THEMIS: variants seen among roughly 807,000 people sequenced by gnomAD.
THEMIS encodes the protein protein THEMIS.
In THEMIS, 37 loss-of-function variants were observed where a neutral mutation model predicts 52.6. The observed-to-expected ratio is 0.70, with a 90% CI of 0.54 to 0.93. The LOEUF (loss-of-function observed/expected upper bound fraction) is 0.93. THEMIS is among the 40% of genes least tolerant of loss of function. The pLI is 0.00. For synonymous variants in THEMIS, 292 were observed against 272.7 expected (o/e 1.07, Z -0.70); for missense variants, 808 against 763.1 (o/e 1.06, Z -0.69).
At chr6:127,846,079 G>A (rs1387970471) in intron 2 of THEMIS, among the ~76,000 whole-genome samples, 1 of 151,858 alleles carries the variant, frequency 6.6e-6, no homozygotes, top group African/African-American at 2.4e-5. Context: ...TGAAAACATG[G>A]TTTCAACTGT....
chr6:127,819,953 T>C (rs865918773), intron 3 of THEMIS, among the ~76,000 whole-genome samples: 5 of 152,140 alleles, frequency 3.3e-5, no homozygotes, highest in Non-Finnish European at 7.4e-5. Context: ...ATTGTAGCAA[T>C]ATTTTGGATG....
At chr6:127,759,170 C>T (rs1351469210) in intron 4 of THEMIS, among the ~76,000 whole-genome samples, 1 of 152,042 alleles carries the variant, frequency 6.6e-6, no homozygotes, top group African/African-American at 2.4e-5. Flanking sequence ...TGAAGTAATA[C>T]TTTTAAATAA....
At chr6:127,836,976 A>G (rs1178218667) in intron 2 of THEMIS, among the ~76,000 whole-genome samples, 1 of 152,126 alleles carries the variant, frequency 6.6e-6, no homozygotes, top group Non-Finnish European at 1.5e-5. Context: ...TCAGAGATTG[A>G]CCCAGACAGT....
chr6:127,706,029 C>T (rs961387274), downstream of THEMIS, among the ~76,000 whole-genome samples: 3 of 152,044 alleles, frequency 2.0e-5, no homozygotes, highest in Non-Finnish European at 2.9e-5. Flanking sequence ...AACCACTGAA[C>T]GAGTATCTTC....
intron 4 of THEMIS, among the ~76,000 whole-genome samples, chr6:127,748,225 G>T (rs1479078204): frequency 6.6e-6 from 1 of 152,020 alleles, no homozygotes; most frequent in Non-Finnish European, 1.5e-5. Context: ...CCTGAGACTG[G>T]ATAATTTAGA....
Position 127,813,482 on chromosome 6 carries a change from C to T in THEMIS, c.1159G>A (p.Asp387Asn). The T allele has an allele frequency of 6.2e-7, 1 of 1,614,006 alleles. No homozygotes were observed. Among genetic ancestry groups the T allele is most frequent in the Non-Finnish European group, 8.5e-7 (1 of 1,179,982 alleles). The change falls in exon 4 of 6, where the codon GAC becomes AAC. Residue 387 changes from aspartate (D) to asparagine (N), a missense_variant. Transcript: ENST00000368248. ...HDKLSSVSVG[D>N]QFLVHQSETT... is the part of the protein sequence containing the mutation. The stretch of plus-strand genomic sequence containing the variant: ...TCTGACTGATGCACCAGAAACTGGT[C>T]CCCAACAGATACGGATGACAGCTTG...
chr6:127,737,474 T>G (rs1775048204), intron 4 of THEMIS, among the ~76,000 whole-genome samples: 2 of 152,196 alleles, frequency 1.3e-5, no homozygotes, highest in African/African-American at 4.8e-5. Flanking sequence ...CAGAGCCAAG[T>G]AAGTATTCAA....
chr6:127,736,359 ACT>A (rs1775005620), intron 4 of THEMIS, among the ~76,000 whole-genome samples: 1 of 152,096 alleles, frequency 6.6e-6, no homozygotes, highest in Non-Finnish European at 1.5e-5. Context: ...AGCATCTGAA[ACT>A]CTGCAGAAAA....
At chr6:127,778,816 A>G (rs997090398) in intron 4 of THEMIS, among the ~76,000 whole-genome samples, 15 of 149,338 alleles carry the variant, frequency 1.0e-4, no homozygotes, top group Non-Finnish European at 1.6e-4. Flanking sequence ...TAGTCCTAAA[A>G]GTCACTCAAG....
chr6:127,782,216 G>C (rs1186907935), intron 4 of THEMIS, among the ~76,000 whole-genome samples: 1 of 152,186 alleles, frequency 6.6e-6, no homozygotes, highest in Non-Finnish European at 1.5e-5. Context: ...CAAGCCAGTG[G>C]ATGTTACCTT....
intron 3 of THEMIS, among the ~76,000 whole-genome samples, chr6:127,825,540 G>T (rs1351393804): frequency 2.6e-5 from 4 of 152,154 alleles, no homozygotes; most frequent in African/African-American, 4.8e-5. Flanking sequence ...GCAAGGGAAG[G>T]TTGGCCTGCA....
rs142123167 is a variant in THEMIS at position 127,819,118 on chromosome 6, T to TAAAAAAA, written c.710-5194_710-5188dup. 2.2e-3 allele frequency among the ~76,000 whole-genome samples: 43 copies of TAAAAAAA among 19,486 alleles called. 2 individuals carry two copies. Among genetic ancestry groups the TAAAAAAA allele is most frequent in the African/African-American group, 2.4e-3 (12 of 5,008 alleles). The allele number at this position is 19,486 out of a possible 152,430, so 12.8% of individuals were successfully genotyped here. On this transcript the variant is annotated intron_variant, in intron 3 of 5. Transcript: ENST00000368248. Reference sequence around the variant, plus strand: ...CTGGGTGAAAGAGTGAGACTCTGTCTAAAAAAAAAAAAAAAAAAAAAAAAA... The same window carrying TAAAAAAA: ...CTGGGTGAAAGAGTGAGACTCTGTCTAAAAAAAAAAAAAAAAAAAAAAAAAAAAAAAA...
intron 4 of THEMIS, among the ~76,000 whole-genome samples, chr6:127,770,690 T>C (rs1776354316): frequency 6.6e-6 from 1 of 152,220 alleles, no homozygotes; most frequent in Admixed American, 6.5e-5. Flanking sequence ...ATGAAGTCCT[T>C]GCCCATGCCT....
intron 1 of THEMIS, among the ~76,000 whole-genome samples, chr6:127,915,586 A>AAGAGAGAGAG (rs34353449): frequency 1.1e-3 from 159 of 140,432 alleles, no homozygotes; most frequent in East Asian, 4.9e-3. Context: ...GTCAGAGAGA[A>AAGAGAGAGAG]AGAGAGAGAG....
At chr6:127,808,542 A>C (rs1424809014) in intron 4 of THEMIS, among the ~76,000 whole-genome samples, 1 of 152,186 alleles carries the variant, frequency 6.6e-6, no homozygotes, top group African/African-American at 2.4e-5. Context: ...AACCTAAAGA[A>C]AATTTTGAGG....
At chr6:127,895,128 C>A (rs941323420) in intron 1 of THEMIS, among the ~76,000 whole-genome samples, 1 of 151,006 alleles carries the variant, frequency 6.6e-6, no homozygotes, top group African/African-American at 2.4e-5. Context: ...AAGCTCAATA[C>A]CTATTTATTC....
chr6:127,736,418 A>G (rs1775007034), intron 4 of THEMIS, among the ~76,000 whole-genome samples: 1 of 152,148 alleles, frequency 6.6e-6, no homozygotes, highest in African/African-American at 2.4e-5. Flanking sequence ...TGAAATTTAG[A>G]TAAGTAGGGA....
In THEMIS at chr6:127,896,301, T is replaced by C. The variant is rs868410485; in HGVS notation, c.91+4541A>G. The stretch of plus-strand genomic sequence containing the variant: ...CATCAATATTCACAGACAATGCAAA[T>C]GTACACATAACATATACAAAATGTT... On this transcript the variant is annotated intron_variant, in intron 1 of 5. Transcript: ENST00000368248. 5.3e-5 allele frequency among the ~76,000 whole-genome samples: 8 copies of C among 150,818 alleles called. No homozygotes were observed. In the South Asian group the frequency reaches 1.7e-3, roughly 32 times the overall value.
chr6:127,768,375 C>T (rs1206175042), intron 4 of THEMIS, among the ~76,000 whole-genome samples: 1 of 152,136 alleles, frequency 6.6e-6, no homozygotes, highest in Non-Finnish European at 1.5e-5. Flanking sequence ...CTCTGTCAAC[C>T]CCACAAGCTG....
Sources: allele counts gnomAD v4.1 joint callset (sites outside exome capture counted in the v4.1 genomes callset), GRCh38; gene constraint gnomAD v4.1.1; transcripts MANE v1.5; gene names NCBI Gene and HGNC (gene_info 2026-07-23, HGNC 2026-07-21).